UBAP2: variants seen among roughly 807,000 people sequenced by gnomAD.
The protein encoded by UBAP2 is ubiquitin-associated protein 2.
UBAP2 carries 75 observed loss-of-function variants against 139.6 expected under a neutral mutation model. The observed-to-expected ratio is 0.54, with a 90% CI of 0.45 to 0.65. UBAP2 has a LOEUF of 0.65. UBAP2 is among the 30% of genes least tolerant of loss of function. UBAP2 has a pLI of 0.00. For synonymous variants in UBAP2, 526 were observed against 526.2 expected (o/e 1.00, Z 0.01); for missense variants, 1,368 against 1,369.6 (o/e 1.00, Z 0.02).
At chr9:33,922,639 A>T (rs1823005523) in intron 28 of UBAP2, 40 bp from the exon 29 acceptor site, 1 of 1,599,456 alleles carries the variant, frequency 6.3e-7, no homozygotes, top group African/African-American at 1.3e-5. Context: ...AGGCTGGAGC[A>T]GAACCCCTGG....
At chr9:33,947,452 G>A (rs920867133) in intron 13 of UBAP2, among the ~76,000 whole-genome samples, 6 of 152,282 alleles carry the variant, frequency 3.9e-5, no homozygotes, top group East Asian at 1.9e-4. Context: ...TACAAACCAC[G>A]GAATGTAAAG....
chr9:34,007,001 G>A (rs1357659452), intron 2 of UBAP2, among the ~76,000 whole-genome samples: 2 of 152,092 alleles, frequency 1.3e-5, no homozygotes, highest in Non-Finnish European at 2.9e-5. Context: ...ATATATAAAG[G>A]CTAATTTTTG....
intron 4 of UBAP2, among the ~76,000 whole-genome samples, chr9:33,990,888 C>T (rs1463436007): frequency 7.9e-5 from 12 of 152,062 alleles, no homozygotes; most frequent in East Asian, 5.8e-4. Flanking sequence ...CCACCTACCT[C>T]GGCCTCCCAA....
intron 8 of UBAP2, among the ~76,000 whole-genome samples, chr9:33,967,299 A>G (rs1827543603): frequency 6.6e-6 from 1 of 152,074 alleles, no homozygotes. Context: ...TCCCTTTCCA[A>G]TCCTTATGAC....
chr9:33,942,267 G>A (rs553402603), intron 15 of UBAP2, among the ~76,000 whole-genome samples: 6 of 151,968 alleles, frequency 3.9e-5, no homozygotes, highest in Admixed American at 1.3e-4. Context: ...AACCAAGATC[G>A]CGCCACTGCA....
chr9:34,012,983 CT>C (rs1174225665), intron 2 of UBAP2, among the ~76,000 whole-genome samples: 1 of 151,066 alleles, frequency 6.6e-6, no homozygotes, highest in Non-Finnish European at 1.5e-5. Context: ...GGTGAAACCC[CT>C]CTCTACTAAA....
chr9:34,016,370 CGGT>C (rs74180522), intron 2 of UBAP2, among the ~76,000 whole-genome samples: 1,674 of 93,670 alleles, frequency 0.018, 77 homozygotes, highest in Admixed American at 0.036. Flanking sequence ...GCGGCAGCGG[CGGT>C]GGTGGTGGTG....
intron 1 of UBAP2, among the ~76,000 whole-genome samples, chr9:34,037,249 A>T (rs531249665): frequency 6.6e-6 from 1 of 152,058 alleles, no homozygotes; most frequent in African/African-American, 2.4e-5. Flanking sequence ...CGGCCCCCCA[A>T]AGTGCTGGGA....
Position 33,922,896 on chromosome 9 carries a change from C to T in UBAP2, c.3073-18G>A. On this transcript the variant is annotated intron_variant, in intron 27 of 28. Coordinates refer to ENST00000379238, the MANE Select transcript of UBAP2 (RefSeq NM_001370062.2). ...TCAAAAGTCTACAGGGCAAAGAAGACAATGGTGAAGGTCAGGTTGGGCTGT... is the reference window on the plus strand; with the variant it reads ...TCAAAAGTCTACAGGGCAAAGAAGATAATGGTGAAGGTCAGGTTGGGCTGT... The T allele has an allele frequency of 6.2e-7, 1 of 1,611,100 alleles. No homozygotes were observed. The highest frequency in any genetic ancestry group is 8.5e-7 in the Non-Finnish European group (1 of 1,178,082).
chr9:33,926,514 A>T (rs1823441370), intron 22 of UBAP2, 103 bp downstream of exon 22: 4 of 1,275,914 alleles, frequency 3.1e-6, no homozygotes, highest in African/African-American at 1.5e-5. Context: ...TTCCTCAGGC[A>T]GAGGATCCTA....
intron 17 of UBAP2, chr9:33,934,172 CCAA>C (rs1420485992): frequency 6.3e-6 from 1 of 158,336 alleles, no homozygotes; most frequent in Non-Finnish European, 1.4e-5. Flanking sequence ...GTCCAACTGT[CCAA>C]CACCTACTTC....
At chr9:34,044,001 T>C (rs1364944642) in intron 1 of UBAP2, among the ~76,000 whole-genome samples, 1 of 144,812 alleles carries the variant, frequency 6.9e-6, no homozygotes, top group Non-Finnish European at 1.5e-5. Flanking sequence ...GGTGGCAGGC[T>C]AATCGCTTGA....
Position 33,943,431 on chromosome 9 carries a change from C to T in UBAP2, c.1704G>A (p.Ser568=), listed in dbSNP as rs1368074596. Residue 568 remains serine (S), a synonymous_variant, in exon 15 of 29, where the codon TCG becomes TCA. Transcript: ENST00000379238. The part of the protein sequence containing the change: ...NSNQIPISLY[S]KSLSEPLNTS... ...ACTAAATTCAGTACCTTAAAGACTT[C>T]GAATACAAGCTGATGGGAATCTGAT... 4 of 1,614,106 alleles carry T rather than the reference C, an allele frequency of 2.5e-6. No individual in the cohort carries two copies. Among genetic ancestry groups the T allele is most frequent in the East Asian group, 4.5e-5 (2 of 44,882 alleles).
chr9:33,951,824 C>T (rs1403771694), intron 12 of UBAP2, among the ~76,000 whole-genome samples: 1 of 152,076 alleles, frequency 6.6e-6, no homozygotes, highest in Non-Finnish European at 1.5e-5. Flanking sequence ...TCAGTGGACA[C>T]ACATAGATTT....
At chr9:33,934,525 A>T (rs1301994722) in intron 17 of UBAP2, 4 of 155,660 alleles carry the variant, frequency 2.6e-5, no homozygotes, top group Non-Finnish European at 5.9e-5. Context: ...TTTTATTGGC[A>T]GTCTCTTCCA....
chr9:34,043,991 G>A (rs899933598), intron 1 of UBAP2, among the ~76,000 whole-genome samples: 4 of 150,694 alleles, frequency 2.7e-5, no homozygotes, highest in Middle Eastern at 3.5e-3. Flanking sequence ...ATCAGAGCAC[G>A]GTGGCAGGCT....
intron 6 of UBAP2, among the ~76,000 whole-genome samples, chr9:33,981,163 GAT>G (rs755860888): frequency 0.014 from 22 of 1,536 alleles, 7 homozygotes; most frequent in Non-Finnish European, 0.022. Flanking sequence ...ATATATTCTG[GAT>G]ATATATATAT....
intron 1 of UBAP2, among the ~76,000 whole-genome samples, chr9:34,031,748 G>GC (rs1825907058): frequency 6.7e-6 from 1 of 149,656 alleles, no homozygotes. Flanking sequence ...TCACACCACT[G>GC]CACTCTGGCC....
rs1227103147 is a variant in UBAP2 at position 33,922,429 on chromosome 9, G to GTGTT, written c.*74_*75insAACA. ...CGGGAATTCTAGGAAAGGGCACTGGGCTCCCAAATACGTGCTCGTGTGTTC... is the reference window on the plus strand; with the variant it reads ...CGGGAATTCTAGGAAAGGGCACTGGGTGTTCTCCCAAATACGTGCTCGTGTGTTC... On this transcript the variant is annotated 3_prime_UTR_variant, in exon 29 of 29. Coordinates refer to ENST00000379238, the MANE Select transcript of UBAP2 (RefSeq NM_001370062.2). 6.9e-7 allele frequency: 1 copy of GTGTT among 1,441,782 alleles called. No individual in the cohort carries two copies. Among genetic ancestry groups the GTGTT allele is most frequent in the Non-Finnish European group, 9.6e-7 (1 of 1,043,524 alleles). 89.3% of individuals were successfully genotyped at this position (1,441,782 alleles called of 1,614,324 possible).
Sources: gnomAD v4.1 joint callset for allele counts (sites outside exome capture counted in the v4.1 genomes callset) on GRCh38, gnomAD v4.1.1 for gene constraint, MANE v1.5 for transcripts, NCBI Gene and HGNC (gene_info 2026-07-23, HGNC 2026-07-21) for gene names.